CEP128: variants seen among roughly 807,000 people sequenced by gnomAD.
CEP128 encodes centrosomal protein 128kDa.
In CEP128, 132 loss-of-function variants were observed where a neutral mutation model predicts 156.7. The observed-to-expected ratio is 0.84, with a 90% CI of 0.73 to 0.97. CEP128 has a LOEUF of 0.97. CEP128 is among the 50% of genes least tolerant of loss of function. CEP128 has a pLI of 0.00. For synonymous variants in CEP128, 469 were observed against 448.9 expected (o/e 1.04, Z -0.57); for missense variants, 1,252 against 1,281.9 (o/e 0.98, Z 0.36).
chr14:80,525,260 T>A (rs1367976563), intron 23 of CEP128, among the ~76,000 whole-genome samples: 1 of 152,228 alleles, frequency 6.6e-6, no homozygotes, highest in Non-Finnish European at 1.5e-5. Context: ...TCTAAATTTA[T>A]ACTGTAATGG....
intron 19 of CEP128, among the ~76,000 whole-genome samples, chr14:80,696,624 G>A (rs144857910): frequency 0.011 from 1,743 of 152,222 alleles, 12 homozygotes; most frequent in Non-Finnish European, 0.017. Context: ...GTGTTACAGA[G>A]AAACAAAACA....
At chr14:80,482,329 T>C (rs559318603) in intron 14 of CEP128, among the ~76,000 whole-genome samples, 1 of 152,356 alleles carries the variant, frequency 6.6e-6, no homozygotes. Context: ...ACTGATGTAC[T>C]GCTATAGAGA....
rs1371232970 is a variant in CEP128 at position 80,526,905 on chromosome 14, G to C, written c.3036C>G (p.His1012Gln). 2 of 1,610,318 alleles carry C rather than the reference G, an allele frequency of 1.2e-6. No homozygotes were observed. The highest frequency in any genetic ancestry group is 2.2e-5 in the South Asian group (2 of 90,876). ...TGGTTCTGTACTTGGTGTCATCTTG[G>C]TGATGCTGAAGAGAATTTCTGCGAA... ...YRVRRNSLQH[H>Q]QDDTKYRTKS... Residue 1012 changes from histidine to glutamine, a missense_variant, in exon 23 of 25, where the codon CAC becomes CAG. Physicochemically the swap from His to Gln is conservative, Grantham distance 24 (BLOSUM62 0). Coordinates refer to ENST00000555265, the MANE Select transcript of CEP128 (RefSeq NM_152446.5).
intron 21 of CEP128, 108 bp downstream of exon 21, chr14:80,559,171 T>C: frequency 1.0e-6 from 1 of 958,166 alleles, no homozygotes; most frequent in Non-Finnish European, 1.6e-6. Context: ...ATCTTAGATG[T>C]AGTTTTCGAA....
chr14:80,654,650 T>A (rs575784236), intron 19 of CEP128, among the ~76,000 whole-genome samples: 1 of 152,204 alleles, frequency 6.6e-6, no homozygotes, highest in Non-Finnish European at 1.5e-5. Context: ...GTCCTTTCTT[T>A]TTTCTTAATC....
chr14:80,859,554 AAATT>A (rs746500702), intron 9 of CEP128, among the ~76,000 whole-genome samples: 2 of 146,066 alleles, frequency 1.4e-5, no homozygotes, highest in Admixed American at 6.7e-5. Context: ...TAATAATAAT[AAATT>A]AATTAATTTT....
Position 80,889,341 on chromosome 14 carries a change from C to T in CEP128, c.645+6377G>A, listed in dbSNP as rs117706431. ...GCCAAACAATCCTAAGCAGAAAGAACAAAGCTGGAGGCATGACTCTACCTG... is the reference window on the plus strand; with the variant it reads ...GCCAAACAATCCTAAGCAGAAAGAATAAAGCTGGAGGCATGACTCTACCTG... On this transcript the variant is annotated intron_variant, in intron 8 of 24. Coordinates refer to ENST00000555265, the MANE Select transcript of CEP128 (RefSeq NM_152446.5). Among the ~76,000 whole-genome samples, 1,234 of 152,242 alleles carry T rather than the reference C, an allele frequency of 8.1e-3. 11 individuals are homozygous for T. The highest frequency in any genetic ancestry group is 0.01 in the Non-Finnish European group (683 of 68,022).
intron 8 of CEP128, among the ~76,000 whole-genome samples, chr14:80,888,173 G>A (rs148088733): frequency 2.9e-4 from 44 of 152,244 alleles, no homozygotes; most frequent in African/African-American, 7.5e-4. Context: ...GGACCAGACC[G>A]ATTTACAGTC....
intron 16 of CEP128, among the ~76,000 whole-genome samples, chr14:80,776,550 T>C: frequency 6.8e-6 from 1 of 147,994 alleles, no homozygotes; most frequent in South Asian, 2.1e-4. Context: ...ATTATATATA[T>C]TATTATATAT....
chr14:80,535,368 A>C (rs1041455676), intron 21 of CEP128, among the ~76,000 whole-genome samples: 5 of 152,240 alleles, frequency 3.3e-5, no homozygotes, highest in Non-Finnish European at 5.9e-5. Context: ...TTGCCAGCTA[A>C]AACGGAGTAC....
downstream of CEP128, among the ~76,000 whole-genome samples, chr14:80,489,577 C>T (rs12147846): frequency 0.48 from 72,846 of 151,986 alleles, 18,524 homozygotes; most frequent in East Asian, 0.68. Flanking sequence ...CCTATTGCCT[C>T]AGTATCATGA....
intron 19 of CEP128, among the ~76,000 whole-genome samples, chr14:80,634,916 C>A (rs1268829879): frequency 6.6e-6 from 1 of 152,192 alleles, no homozygotes; most frequent in Non-Finnish European, 1.5e-5. Context: ...CAGATAAGAA[C>A]CACCAGTTGC....
At chr14:80,680,193 A>G (rs1203398973) in intron 19 of CEP128, among the ~76,000 whole-genome samples, 1 of 152,178 alleles carries the variant, frequency 6.6e-6, no homozygotes, top group Middle Eastern at 3.2e-3. Context: ...GAGCTGCTAC[A>G]GCTGTGGTTT....
intron 21 of CEP128, among the ~76,000 whole-genome samples, chr14:80,553,906 C>A (rs918393695): frequency 3.3e-5 from 5 of 152,178 alleles, no homozygotes; most frequent in Non-Finnish European, 7.3e-5. Context: ...CAGTGTCTAA[C>A]AGAAGTTGTG....
At chr14:80,774,851 G>A (rs1476379893) in intron 16 of CEP128, among the ~76,000 whole-genome samples, 1 of 152,160 alleles carries the variant, frequency 6.6e-6, no homozygotes, top group African/African-American at 2.4e-5. Flanking sequence ...GAACCAGCCA[G>A]CTCTTTTCAC....
chr14:80,742,833 CAATT>C, intron 19 of CEP128: 1 of 463,832 alleles, frequency 2.2e-6, no homozygotes. Flanking sequence ...TATGTCTTAT[CAATT>C]AATTCCTGCA....
chr14:80,841,963 T>TA (rs1486090699), intron 9 of CEP128, among the ~76,000 whole-genome samples: 1 of 151,844 alleles, frequency 6.6e-6, no homozygotes, highest in African/African-American at 2.4e-5. Flanking sequence ...AAAATTAAAT[T>TA]AAAAAAATCC....
At chr14:80,913,266 T>A (rs1447497660) in intron 4 of CEP128, among the ~76,000 whole-genome samples, 1 of 152,206 alleles carries the variant, frequency 6.6e-6, no homozygotes. Flanking sequence ...GTCACTGCTA[T>A]AATGTTTATA....
At chr14:80,537,279 C>T (rs577173304) in intron 21 of CEP128, among the ~76,000 whole-genome samples, 1 of 152,214 alleles carries the variant, frequency 6.6e-6, no homozygotes, top group South Asian at 2.1e-4. Flanking sequence ...AACCCATTAT[C>T]TTACTATTAG....
Sources: gnomAD v4.1 joint callset for allele counts (sites outside exome capture counted in the v4.1 genomes callset) on GRCh38, gnomAD v4.1.1 for gene constraint, MANE v1.5 for transcripts, NCBI Gene and HGNC (gene_info 2026-07-23, HGNC 2026-07-21) for gene names.